The following TBC1D22B variants were observed in gnomAD, a reference collection of about 807,000 sequenced individuals.
TBC1D22B encodes the protein chromosome 6 open reading frame 197.
TBC1D22B carries 32 observed loss-of-function variants against 69.1 expected under a neutral mutation model. The observed-to-expected ratio is 0.46, with a 90% confidence interval of 0.35 to 0.62. The LOEUF (loss-of-function observed/expected upper bound fraction) is 0.62. Ranked by LOEUF, TBC1D22B falls within the 20% of genes least tolerant of loss-of-function variation. The probability of loss-of-function intolerance (pLI) is 0.00; values close to 1 mark genes in which losing one functional copy is unlikely to be tolerated. For synonymous variants in TBC1D22B, 206 were observed against 229.8 expected, an observed-to-expected ratio of 0.90 and a Z score of 0.94; for missense variants, 462 against 630.9, an observed-to-expected ratio of 0.73 and a Z score of 2.87.
chr6:37,277,180 AT>A (rs11367368), intron 2 of TBC1D22B, among the ~76,000 whole-genome samples: 4,803 of 152,266 alleles, frequency 0.032, 235 homozygotes, highest in African/African-American at 0.11. Context: ...TTGATGATTG[AT>A]TAAAGAATTC....
Position 37,291,326 on chromosome 6 carries a change from A to G in TBC1D22B, c.951A>G (p.Pro317=), listed in dbSNP as rs1361262626. The part of the protein sequence containing the change: ...YVQGINDLVT[P]FFVVFLSEYV... ...AGGGAATTAATGACCTGGTCACTCC[A>G]TTCTTTGTCGTCTTCCTCTCAGAAT... The change falls in exon 8 of 13, where the codon CCA becomes CCG. Residue 317 remains proline (P), a synonymous_variant. Coordinates refer to ENST00000373491, the MANE Select transcript of TBC1D22B (RefSeq NM_017772.4). The G allele has an allele frequency of 6.2e-7, 1 of 1,612,774 alleles. No individual in the cohort carries two copies. Among genetic ancestry groups the G allele is most frequent in the South Asian group, 1.1e-5 (1 of 90,748 alleles).
At chr6:37,315,618 C>T (rs981953462) in intron 10 of TBC1D22B, among the ~76,000 whole-genome samples, 1 of 152,204 alleles carries the variant, frequency 6.6e-6, no homozygotes, top group South Asian at 2.1e-4. Flanking sequence ...GCTCTGTCGC[C>T]CAGGCTAGAG....
chr6:37,279,250 A>G, intron 2 of TBC1D22B, 54 bp from the exon 3 acceptor site: 1 of 1,418,078 alleles, frequency 7.1e-7, no homozygotes, highest in Non-Finnish European at 9.6e-7. Flanking sequence ...AAGCAAATGT[A>G]GGTGGTCAGA....
chr6:37,304,089 C>T (rs1006635030), intron 8 of TBC1D22B, among the ~76,000 whole-genome samples: 1 of 152,214 alleles, frequency 6.6e-6, no homozygotes, highest in Non-Finnish European at 1.5e-5. Context: ...CTTCACTAGG[C>T]TTGGCCACTG....
chr6:37,320,533 TA>T (rs773173038), intron 12 of TBC1D22B, among the ~76,000 whole-genome samples: 6 of 152,220 alleles, frequency 3.9e-5, no homozygotes, highest in Non-Finnish European at 8.8e-5. Context: ...AGGCGAGCTT[TA>T]AAAACCCACT....
intron 6 of TBC1D22B, 62 bp from the exon 7 acceptor site, chr6:37,286,944 CA>C (rs372046079): frequency 2.7e-6 from 4 of 1,502,518 alleles, no homozygotes; most frequent in Admixed American, 1.9e-5. Context: ...GACTTCATCT[CA>C]AAAAAACAAA....
At chr6:37,287,925 C>T (rs1581595445) in intron 7 of TBC1D22B, among the ~76,000 whole-genome samples, 1 of 152,140 alleles carries the variant, frequency 6.6e-6, no homozygotes, top group South Asian at 2.1e-4. Flanking sequence ...TGAGACCTAA[C>T]AAGTTAATGA....
chr6:37,328,997 G>A (rs1052059527), intron 12 of TBC1D22B, among the ~76,000 whole-genome samples: 10 of 151,942 alleles, frequency 6.6e-5, no homozygotes, highest in Non-Finnish European at 1.2e-4. Context: ...AAAGTGCTGG[G>A]ATTACAGGCA....
chr6:37,295,918 C>T (rs1414467151), intron 8 of TBC1D22B, among the ~76,000 whole-genome samples: 1 of 152,126 alleles, frequency 6.6e-6, no homozygotes, highest in Non-Finnish European at 1.5e-5. Flanking sequence ...AAGGAAAAAT[C>T]AATCAATGTG....
chr6:37,311,110 A>G (rs1343735219), intron 8 of TBC1D22B, among the ~76,000 whole-genome samples: 1 of 151,530 alleles, frequency 6.6e-6, no homozygotes, highest in African/African-American at 2.4e-5. Flanking sequence ...AGATAGCTAT[A>G]TTGTGCCTAC....
chr6:37,282,465 T>C (rs1372218735), intron 4 of TBC1D22B, 101 bp downstream of exon 4: 22 of 1,330,620 alleles, frequency 1.7e-5, no homozygotes, highest in Non-Finnish European at 2.1e-5. Flanking sequence ...TTTACTTTTC[T>C]AGCTTCTCCT....
chr6:37,269,832 C>G (rs1336916521), intron 2 of TBC1D22B, among the ~76,000 whole-genome samples, 182 bp downstream of exon 2: 2 of 152,092 alleles, frequency 1.3e-5, no homozygotes, highest in Non-Finnish European at 2.9e-5. Flanking sequence ...AAATTAACTC[C>G]CATTAGAGAT....
chr6:37,293,307 G>A (rs572961976), intron 8 of TBC1D22B, among the ~76,000 whole-genome samples: 3 of 152,138 alleles, frequency 2.0e-5, no homozygotes, highest in African/African-American at 7.2e-5. Flanking sequence ...TCGATCTCCT[G>A]ACCTCGTGAT....
chr6:37,309,572 T>C (rs1767840585), intron 8 of TBC1D22B, among the ~76,000 whole-genome samples: 1 of 152,140 alleles, frequency 6.6e-6, no homozygotes, highest in African/African-American at 2.4e-5. Context: ...CCTATTTTCA[T>C]AAAGAGGGAG....
rs1766752774 is a variant in TBC1D22B, at chr6:37,279,299, T to G, written c.114-5T>G. 1 of 1,589,152 alleles carries G rather than the reference T, an allele frequency of 6.3e-7. No individual in the cohort carries two copies. Among genetic ancestry groups the G allele is most frequent in the East Asian group, 2.2e-5 (1 of 44,548 alleles). ...TCCTTGGTAATCGTGTCTCCTTTCT[T>G]GAAGTTTCATTAAAGAACGATCAAA... On this transcript the variant is annotated splice_polypyrimidine_tract_variant and splice_region_variant and intron_variant, in intron 2 of 12. Coordinates refer to ENST00000373491, the MANE Select transcript of TBC1D22B (RefSeq NM_017772.4).
intron 12 of TBC1D22B, among the ~76,000 whole-genome samples, chr6:37,328,400 A>G (rs1003322365): frequency 1.3e-5 from 2 of 152,236 alleles, no homozygotes; most frequent in African/African-American, 4.8e-5. Context: ...GAAATAATCC[A>G]AGATAAGGCT....
At chr6:37,301,754 T>C (rs1221934343) in intron 8 of TBC1D22B, among the ~76,000 whole-genome samples, 1 of 152,208 alleles carries the variant, frequency 6.6e-6, no homozygotes, top group East Asian at 1.9e-4. Context: ...GTCTGGGCAA[T>C]GATGCTTCTC....
At chr6:37,326,952 G>C (rs920940974) in intron 12 of TBC1D22B, among the ~76,000 whole-genome samples, 2 of 152,218 alleles carry the variant, frequency 1.3e-5, no homozygotes, top group Non-Finnish European at 2.9e-5. Flanking sequence ...GTACAGAAAA[G>C]ACTGAGACCA....
intron 12 of TBC1D22B, among the ~76,000 whole-genome samples, chr6:37,320,023 G>A (rs1768194814): frequency 1.3e-5 from 2 of 152,302 alleles, no homozygotes; most frequent in Middle Eastern, 3.4e-3. Context: ...AGAAGTTTTA[G>A]GGCTAAAAGC....
Sources: gnomAD v4.1 joint callset for allele counts (sites outside exome capture counted in the v4.1 genomes callset) on GRCh38, gnomAD v4.1.1 for gene constraint, MANE v1.5 for transcripts, NCBI Gene and HGNC (gene_info 2026-07-23, HGNC 2026-07-21) for gene names.